FAM3B: variants seen among roughly 807,000 people sequenced by gnomAD.
The protein encoded by FAM3B is FAM3 metabolism regulating signaling molecule B.
Under a neutral mutation model 28.4 loss-of-function variants are expected in FAM3B, and 29 were observed. That is an observed-to-expected ratio of 1.02 (90% CI 0.76 to 1.39). FAM3B has a LOEUF of 1.39. FAM3B is among the 40% of genes most tolerant of loss of function. FAM3B has a pLI of 0.00. For synonymous variants in FAM3B, 91 were observed against 103.0 expected (o/e 0.88, Z 0.71); for missense variants, 266 against 293.9 (o/e 0.91, Z 0.69).
At chr21:41,348,780 C>T in intron 7 of FAM3B, 56 bp downstream of exon 7, 4 of 1,600,450 alleles carry the variant, frequency 2.5e-6, no homozygotes, top group Non-Finnish European at 3.4e-6. Flanking sequence ...AAATGCTGTG[C>T]CTTGAAAACG....
intron 7 of FAM3B, among the ~76,000 whole-genome samples, chr21:41,352,665 G>A (rs1277667269): frequency 6.6e-6 from 1 of 152,044 alleles, no homozygotes; most frequent in Non-Finnish European, 1.5e-5. Context: ...ATGGTGGCGG[G>A]CGCCTGTAAT....
chr21:41,345,071 G>A (rs1408309178), intron 4 of FAM3B, among the ~76,000 whole-genome samples: 1 of 152,366 alleles, frequency 6.6e-6, no homozygotes, highest in African/African-American at 2.4e-5. Flanking sequence ...GCATAGCCCC[G>A]AGACGTGAGG....
chr21:41,315,633 C>A (rs931556378), upstream of FAM3B, among the ~76,000 whole-genome samples: 3 of 152,054 alleles, frequency 2.0e-5, no homozygotes, highest in Non-Finnish European at 4.4e-5. Flanking sequence ...GTGCTCAGGC[C>A]CAACGCTGGC....
upstream of FAM3B, among the ~76,000 whole-genome samples, chr21:41,315,622 C>T (rs1447191065): frequency 2.6e-5 from 4 of 152,082 alleles, no homozygotes; most frequent in Non-Finnish European, 5.9e-5. Context: ...TCAAACGGGC[C>T]GTGCTCAGGC....
chr21:41,335,609 T>C (rs1258806173), intron 2 of FAM3B, among the ~76,000 whole-genome samples: 1 of 152,240 alleles, frequency 6.6e-6, no homozygotes, highest in African/African-American at 2.4e-5. Context: ...GCTAGCACCA[T>C]GCTTCCTTTA....
At chr21:41,354,773 A>C (rs1023921465) in intron 7 of FAM3B, among the ~76,000 whole-genome samples, 7 of 152,212 alleles carry the variant, frequency 4.6e-5, no homozygotes, top group African/African-American at 1.7e-4. Context: ...TCTGTACAAC[A>C]AACCCCTATG....
intron 2 of FAM3B, among the ~76,000 whole-genome samples, chr21:41,337,371 G>A (rs980198109): frequency 6.6e-6 from 1 of 152,248 alleles, no homozygotes; most frequent in African/African-American, 2.4e-5. Flanking sequence ...AGTGAAAGAT[G>A]TGTGGGGGCT....
In FAM3B at chr21:41,311,251, A is replaced by AATATAT. The variant is rs1168140562; in HGVS notation, n.99+6982_99+6987dup. On this transcript the variant is annotated intron_variant and non_coding_transcript_variant, in intron 1 of 9. Transcript: ENST00000479810. ...CCTGTCTCTACAAAAAAAAAAAAAAAATATATATATATATATATATATATA... is the reference window on the plus strand; with the variant it reads ...CCTGTCTCTACAAAAAAAAAAAAAAAATATATATATATATATATATATATATATATA... 3.0e-3 allele frequency among the ~76,000 whole-genome samples: 106 copies of AATATAT among 35,024 alleles called. 5 individuals are homozygous for AATATAT. Among genetic ancestry groups the AATATAT allele is most frequent in the East Asian group, 8.3e-3 (4 of 482 alleles). The allele number at this position is 35,024 out of a possible 152,430, so 23.0% of individuals were successfully genotyped here. A position where few individuals can be genotyped will look rare whatever the true frequency, so the allele number is the denominator to read the frequency against.
intron 2 of FAM3B, among the ~76,000 whole-genome samples, chr21:41,330,228 C>T (rs1357221136): frequency 1.8e-4 from 28 of 151,512 alleles, no homozygotes; most frequent in Non-Finnish European, 4.4e-5. Context: ...TTTTGAGCAG[C>T]GACATGACAC....
intron 7 of FAM3B, among the ~76,000 whole-genome samples, chr21:41,349,068 A>G (rs1186631210): frequency 1.3e-5 from 2 of 152,222 alleles, no homozygotes; most frequent in Non-Finnish European, 2.9e-5. Context: ...GCATGAACAG[A>G]CATGGTGAAT....
chr21:41,334,929 G>A (rs2088940544), intron 2 of FAM3B, among the ~76,000 whole-genome samples: 1 of 152,240 alleles, frequency 6.6e-6, no homozygotes, highest in Non-Finnish European at 1.5e-5. Context: ...TCACACCAGT[G>A]TATGCTGGAT....
At chr21:41,341,731 T>A (rs2089008808) in intron 3 of FAM3B, among the ~76,000 whole-genome samples, 1 of 152,250 alleles carries the variant, frequency 6.6e-6, no homozygotes, top group Admixed American at 6.5e-5. Flanking sequence ...CATTCTATTG[T>A]TGAATGACAT....
chr21:41,313,800 TTTG>T (rs71332324), upstream of FAM3B, among the ~76,000 whole-genome samples: 95 of 151,146 alleles, frequency 6.3e-4, 1 homozygote, highest in Middle Eastern at 6.8e-3. Context: ...GTGGGGCATT[TTTG>T]TTGTTGTTGT....
Position 41,334,794 on chromosome 21 carries a change from C to T in FAM3B, c.164-3584C>T, listed in dbSNP as rs117725123. ...ACCCCAGAGGGGCAGATCCTGGCAG[C>T]TTGCACCCTCAGCATGGAAAAGCCA... On this transcript the variant is annotated intron_variant, in intron 2 of 7. Transcript: ENST00000357985. 1.8e-3 allele frequency among the ~76,000 whole-genome samples: 281 copies of T among 152,334 alleles called. 2 individuals carry two copies. The East Asian group carries it at 0.021, about 12-fold the overall frequency.
intron 4 of FAM3B, among the ~76,000 whole-genome samples, chr21:41,344,933 G>A (rs541676022): frequency 3.3e-5 from 5 of 152,280 alleles, no homozygotes; most frequent in Admixed American, 2.0e-4. Context: ...AAAAGCCACT[G>A]CAACCTCGTG....
In FAM3B at chr21:41,326,750, G is replaced by A. The variant is rs1379436594; in HGVS notation, c.163+3684G>A. Among the ~76,000 whole-genome samples, 1 of 152,228 alleles carries A rather than the reference G, an allele frequency of 6.6e-6. No homozygotes were observed. The highest frequency in any genetic ancestry group is 1.5e-5 in the Non-Finnish European group (1 of 68,034). ...GGGTGAGTGTCCTGGGTCCAAGGGT[G>A]GGAGTGCTGGGCAGGCCTGTGTAGT... On this transcript the variant is annotated intron_variant, in intron 2 of 7. Transcript: ENST00000357985. This position sits in a 1 kb window ranked among gnomAD's most constrained non-coding sequence, Gnocchi z 4.0.
At chr21:41,329,699 A>G (rs1419199559) in intron 2 of FAM3B, among the ~76,000 whole-genome samples, 1 of 151,716 alleles carries the variant, frequency 6.6e-6, no homozygotes, top group East Asian at 1.9e-4. Context: ...CCTCCCAAGT[A>G]GCTGGGATTA....
chr21:41,328,052 T>C (rs2088869151), intron 2 of FAM3B, among the ~76,000 whole-genome samples: 1 of 152,166 alleles, frequency 6.6e-6, no homozygotes, highest in Admixed American at 6.5e-5. Flanking sequence ...TGAGACACAA[T>C]TCATAAGTTT....
At chr21:41,338,227 T>C (rs908808043) in intron 2 of FAM3B, 151 bp from the exon 3 acceptor site, 8 of 801,412 alleles carry the variant, frequency 1.0e-5, no homozygotes, top group Non-Finnish European at 1.6e-5. Context: ...AGGGGAATTC[T>C]CAGTGAAGTC....
Sources: gnomAD v4.1 joint callset for allele counts (sites outside exome capture counted in the v4.1 genomes callset) on GRCh38, gnomAD v4.1.1 for gene constraint, Gnocchi (gnomAD v3.1) non-coding constraint, MANE v1.5 for transcripts, NCBI Gene and HGNC (gene_info 2026-07-23, HGNC 2026-07-21) for gene names.